Variants in NRCAM observed in about 807,000 individuals in gnomAD.
NRCAM encodes neuronal cell adhesion molecule.
NRCAM carries 83 observed loss-of-function variants against 156.5 expected under a neutral mutation model. That is an observed-to-expected ratio of 0.53 (90% CI 0.44 to 0.64). The LOEUF (loss-of-function observed/expected upper bound fraction) is 0.64. Among genes scored for constraint, NRCAM ranks in the 30% least tolerant of loss-of-function variants. The pLI is 0.00. For synonymous variants in NRCAM, 538 were observed against 563.9 expected, an observed-to-expected ratio of 0.95 and a Z score of 0.65; for missense variants, 1,417 against 1,597.3, an observed-to-expected ratio of 0.89 and a Z score of 1.92.
At chr7:108,158,526 A>T (rs1162165301) in intron 32 of NRCAM, among the ~76,000 whole-genome samples, 4 of 152,138 alleles carry the variant, frequency 2.6e-5, no homozygotes, top group Non-Finnish European at 5.9e-5. Context: ...CTTAACATAA[A>T]TATCTTCTCT....
At chr7:108,256,049 G>A (rs2096641212) in intron 3 of NRCAM, among the ~76,000 whole-genome samples, 1 of 151,900 alleles carries the variant, frequency 6.6e-6, no homozygotes. Flanking sequence ...CGGGAGGTGG[G>A]GGGCGCCTCT....
At chr7:108,249,373 A>G (rs34754517) in intron 3 of NRCAM, among the ~76,000 whole-genome samples, 34,820 of 152,196 alleles carry the variant, frequency 0.23, 4,283 homozygotes, top group Non-Finnish European at 0.27. Flanking sequence ...TTTCATATAA[A>G]GAACAAATCT....
At chr7:108,327,147 GCA>G (rs1292033260) in intron 2 of NRCAM, among the ~76,000 whole-genome samples, 6 of 152,122 alleles carry the variant, frequency 3.9e-5, no homozygotes, top group Non-Finnish European at 8.8e-5. Flanking sequence ...AGCCAACACA[GCA>G]TTTTGGAAAG....
intron 32 of NRCAM, among the ~76,000 whole-genome samples, chr7:108,153,912 T>C (rs1369950882): frequency 3.3e-5 from 5 of 152,112 alleles, no homozygotes; most frequent in Non-Finnish European, 5.9e-5. Flanking sequence ...TTCAGAGTTA[T>C]TAAAGAAGAT....
At chr7:108,255,219 A>G (rs1232202604) in intron 3 of NRCAM, among the ~76,000 whole-genome samples, 1 of 130,948 alleles carries the variant, frequency 7.6e-6, no homozygotes, top group Non-Finnish European at 1.6e-5. Context: ...GATGCGGAGC[A>G]GAGGCTGGAC....
intron 3 of NRCAM, among the ~76,000 whole-genome samples, chr7:108,255,967 A>G (rs2096630793): frequency 6.7e-6 from 1 of 148,258 alleles, no homozygotes; most frequent in African/African-American, 2.5e-5. Flanking sequence ...GGTGGGGGGC[A>G]GCCCCCGCCC....
intron 3 of NRCAM, among the ~76,000 whole-genome samples, chr7:108,302,340 G>T (rs541387463): frequency 3.9e-5 from 6 of 152,036 alleles, no homozygotes; most frequent in Non-Finnish European, 7.4e-5. Context: ...GGTTTCTACA[G>T]CTAGTTCTCT....
intron 32 of NRCAM, 64 bp downstream of exon 32, chr7:108,159,399 T>C: frequency 2.1e-6 from 3 of 1,403,134 alleles, no homozygotes; most frequent in Non-Finnish European, 3.0e-6. Context: ...TCTGGCTGAG[T>C]TCTATTCTCG....
chr7:108,181,990 T>A (rs1443200536), intron 23 of NRCAM, 53 bp from the exon 24 acceptor site: 13 of 1,334,104 alleles, frequency 9.7e-6, no homozygotes, highest in Admixed American at 8.8e-5. Context: ...TTTAATTTCA[T>A]CCATAAATAT....
chr7:108,269,707 A>C (rs574083560), intron 3 of NRCAM, among the ~76,000 whole-genome samples: 1 of 152,354 alleles, frequency 6.6e-6, no homozygotes, highest in East Asian at 1.9e-4. Flanking sequence ...AAACTCCATT[A>C]ATCAGTCAGT....
chr7:108,147,917 C>A lies in NRCAM; in HGVS notation c.*1993G>T, dbSNP rs1001032598. 1.3e-5 allele frequency: 2 copies of A among 152,634 alleles called. No individual in the cohort carries two copies. The highest frequency in any genetic ancestry group is 1.3e-4 in the Admixed American group (2 of 15,278). 9.5% of individuals were successfully genotyped at this position (152,634 alleles called of 1,614,324 possible). On this transcript the variant is annotated 3_prime_UTR_variant, in exon 33 of 33. Coordinates refer to ENST00000379028, the MANE Select transcript of NRCAM (RefSeq NM_001037132.4). ...TTTTATTGTTCTCCCAAAATATTGG[C>A]AAATTTAAAGTAACTTTTAATCTTT...
chr7:108,218,181 G>C (rs1023028984), intron 11 of NRCAM, among the ~76,000 whole-genome samples: 2 of 151,728 alleles, frequency 1.3e-5, no homozygotes, highest in African/African-American at 4.9e-5. Flanking sequence ...GCTGGGGGGG[G>C]GGGGGAGTTC....
intron 27 of NRCAM, 118 bp from the exon 28 acceptor site, chr7:108,175,475 T>C (rs1563260202): frequency 2.2e-6 from 2 of 893,692 alleles, no homozygotes; most frequent in Non-Finnish European, 3.4e-6. Flanking sequence ...AAGAATGAAG[T>C]GTACCACATC....
chr7:108,395,265 T>A (rs895727518), intron 2 of NRCAM, among the ~76,000 whole-genome samples: 2 of 152,162 alleles, frequency 1.3e-5, no homozygotes, highest in African/African-American at 4.8e-5. Context: ...AAGTTAATAA[T>A]AAACCTGAAT....
At chr7:108,335,159 T>A (rs1242207839) in intron 2 of NRCAM, among the ~76,000 whole-genome samples, 1 of 152,202 alleles carries the variant, frequency 6.6e-6, no homozygotes, top group Non-Finnish European at 1.5e-5. Flanking sequence ...TTTGTTAGTA[T>A]ATGTAGTGTT....
At chr7:108,327,300 G>A (rs1470870183) in intron 2 of NRCAM, among the ~76,000 whole-genome samples, 1 of 152,138 alleles carries the variant, frequency 6.6e-6, no homozygotes, top group East Asian at 1.9e-4. Flanking sequence ...TCTTTGCAGA[G>A]GATGGTTAAG....
At chr7:108,386,049 G>A (rs1563556851) in intron 2 of NRCAM, among the ~76,000 whole-genome samples, 1 of 152,072 alleles carries the variant, frequency 6.6e-6, no homozygotes, top group Non-Finnish European at 1.5e-5. Flanking sequence ...GTTCCGCTTG[G>A]TTTCTTTTGA....
intron 2 of NRCAM, among the ~76,000 whole-genome samples, chr7:108,365,193 C>T (rs181906500): frequency 3.3e-5 from 5 of 151,966 alleles, no homozygotes; most frequent in African/African-American, 9.7e-5. Context: ...TCCTTATAGT[C>T]GTGCCAAGAG....
chr7:108,232,966 TCAGA>T (rs1562868349), intron 6 of NRCAM, among the ~76,000 whole-genome samples: 1 of 152,180 alleles, frequency 6.6e-6, no homozygotes, highest in Non-Finnish European at 1.5e-5. Flanking sequence ...TGAAAATTGA[TCAGA>T]CAAATTTCAA....
Sources: gnomAD v4.1 joint callset for allele counts (sites outside exome capture counted in the v4.1 genomes callset) on GRCh38, gnomAD v4.1.1 for gene constraint, MANE v1.5 for transcripts, NCBI Gene and HGNC (gene_info 2026-07-23, HGNC 2026-07-21) for gene names.